CPNE4: variants seen among roughly 807,000 people sequenced by gnomAD.
The protein encoded by CPNE4 is copine-4.
In CPNE4, 25 loss-of-function variants were observed where a neutral mutation model predicts 67.9. The observed-to-expected ratio is 0.37, with a 90% confidence interval of 0.27 to 0.51. The LOEUF is 0.51. Ranked by LOEUF, CPNE4 falls within the 20% of genes least tolerant of loss-of-function variation. The probability of loss-of-function intolerance (pLI) is 0.93; values close to 1 mark genes in which losing one functional copy is unlikely to be tolerated. For synonymous variants in CPNE4, 242 were observed against 244.9 expected (o/e 0.99, Z 0.11); for missense variants, 464 against 690.8 (o/e 0.67, Z 3.68).
At chr3:131,883,991 G>C (rs1253872049) in intron 2 of CPNE4, among the ~76,000 whole-genome samples, 1 of 151,288 alleles carries the variant, frequency 6.6e-6, no homozygotes, top group Non-Finnish European at 1.5e-5. Flanking sequence ...GTTTTTCTTG[G>C]TCATAATTTT....
chr3:131,938,875 T>A (rs2071302783), intron 1 of CPNE4, among the ~76,000 whole-genome samples: 1 of 152,144 alleles, frequency 6.6e-6, no homozygotes, highest in African/African-American at 2.4e-5. Context: ...AAGTCAGGAA[T>A]AAGACATTGA....
intron 1 of CPNE4, among the ~76,000 whole-genome samples, chr3:131,988,413 A>T (rs1290681691): frequency 1.3e-5 from 2 of 152,124 alleles, no homozygotes; most frequent in Non-Finnish European, 2.9e-5. Context: ...TAAAAAGATC[A>T]CTCTAACTGC....
chr3:131,549,185 G>T lies in CPNE4; in HGVS notation c.1302+762C>A, dbSNP rs114392817. ...CTCCATCCATTCTAACATGAAGGAA[G>T]GCTGAGAACATGAAGACAGTGCAAG... On this transcript the variant is annotated intron_variant, in intron 14 of 15. Coordinates refer to ENST00000429747, the MANE Select transcript of CPNE4 (RefSeq NM_130808.3). 7.6e-3 allele frequency among the ~76,000 whole-genome samples: 1,150 copies of T among 152,216 alleles called. 19 individuals carry two copies. The highest frequency in any genetic ancestry group is 0.026 in the African/African-American group (1,094 of 41,554).
intron 1 of CPNE4, among the ~76,000 whole-genome samples, chr3:132,023,557 G>C (rs1047267608): frequency 1.2e-4 from 16 of 132,050 alleles, no homozygotes; most frequent in African/African-American, 4.0e-4. Context: ...GCGGGATCTC[G>C]GCTCACTGCA....
intron 2 of CPNE4, among the ~76,000 whole-genome samples, chr3:131,802,597 A>C (rs561600419): frequency 2.6e-5 from 4 of 152,302 alleles, no homozygotes; most frequent in Admixed American, 1.3e-4. Flanking sequence ...ACACTGTTTA[A>C]TGGAAAGACC....
intron 1 of CPNE4, among the ~76,000 whole-genome samples, chr3:131,914,599 A>G (rs73206064): frequency 6.6e-6 from 1 of 151,692 alleles, no homozygotes; most frequent in Non-Finnish European, 1.5e-5. Flanking sequence ...TGACTTCCCA[A>G]GAGGTTGGGA....
chr3:131,575,222 C>A lies in CPNE4; in HGVS notation c.868-92G>T, dbSNP rs570693498. 1.5e-5 allele frequency: 16 copies of A among 1,052,682 alleles called. No individual in the cohort carries two copies. The East Asian group carries it at 3.9e-4, about 26-fold the overall frequency. The allele number at this position is 1,052,682 out of a possible 1,614,324, so 65.2% of individuals were successfully genotyped here. A position where few individuals can be genotyped will look rare whatever the true frequency, so the allele number is the denominator to read the frequency against. On this transcript the variant is annotated intron_variant, in intron 9 of 15. Transcript: ENST00000429747. Reference sequence around the variant, plus strand: ...CTAAAGGTTGGTGACTGATAAGCTGCTAAACCAGAGGAAAGGGCAGACAGA... The same window carrying A: ...CTAAAGGTTGGTGACTGATAAGCTGATAAACCAGAGGAAAGGGCAGACAGA...
At chr3:131,603,037 A>T (rs935477910) in intron 7 of CPNE4, among the ~76,000 whole-genome samples, 11 of 151,830 alleles carry the variant, frequency 7.2e-5, no homozygotes, top group African/African-American at 2.7e-4. Context: ...CTCCTTTACA[A>T]TTTTTTTGGG....
intron 9 of CPNE4, among the ~76,000 whole-genome samples, chr3:131,576,452 C>A (rs1313161925): frequency 6.6e-6 from 1 of 152,056 alleles, no homozygotes; most frequent in Non-Finnish European, 1.5e-5. Flanking sequence ...AGAAAGATAA[C>A]CATTGAATCT....
rs149379996 is a variant in CPNE4 at position 131,834,674 on chromosome 3, A to G, written c.180+70590T>C. Among the ~76,000 whole-genome samples the G allele has an allele frequency of 4.0e-3, 604 of 152,316 alleles. 7 individuals carry two copies. Among genetic ancestry groups the G allele is most frequent in the African/African-American group, 0.014 (565 of 41,594 alleles). On this transcript the variant is annotated intron_variant, in intron 2 of 15. Coordinates refer to ENST00000429747, the MANE Select transcript of CPNE4 (RefSeq NM_130808.3). ...AAAGGTAAAACAAATACATAAAACT[A>G]AAGTCTTAACTGATTGCTTATCTGA...
At chr3:131,758,040 T>C (rs1412074810) in intron 2 of CPNE4, among the ~76,000 whole-genome samples, 1 of 152,194 alleles carries the variant, frequency 6.6e-6, no homozygotes, top group Non-Finnish European at 1.5e-5. Flanking sequence ...AGGGCCCTCA[T>C]GGAGAACCTC....
At chr3:131,565,384 C>A (rs754270415) in intron 10 of CPNE4, among the ~76,000 whole-genome samples, 8 of 151,936 alleles carry the variant, frequency 5.3e-5, no homozygotes, top group Non-Finnish European at 1.0e-4. Flanking sequence ...TCTTGGGAAT[C>A]ATAATGGGAA....
intron 2 of CPNE4, among the ~76,000 whole-genome samples, chr3:131,730,831 T>C (rs2082111469): frequency 6.6e-6 from 1 of 152,152 alleles, no homozygotes; most frequent in Non-Finnish European, 1.5e-5. Context: ...TCTGCTGACA[T>C]TCTGATGTCT....
intron 7 of CPNE4, among the ~76,000 whole-genome samples, chr3:131,619,909 G>A (rs1940369729): frequency 6.6e-6 from 1 of 152,218 alleles, no homozygotes; most frequent in African/African-American, 2.4e-5. Context: ...GATGGAAAGA[G>A]ATTAAGGAGG....
intron 10 of CPNE4, among the ~76,000 whole-genome samples, chr3:131,571,654 C>G (rs923933962): frequency 2.0e-5 from 3 of 151,970 alleles, no homozygotes; most frequent in Admixed American, 2.0e-4. Flanking sequence ...TTCTTTTTAC[C>G]TGGTACCAGG....
Position 131,699,935 on chromosome 3 carries a change from T to G in CPNE4, c.406A>C (p.Asn136His). ...KLSKSLLKHG[N>H]TAGKSSITVI... The stretch of plus-strand genomic sequence containing the variant: ...GTGATGGAAGATTTCCCTGCTGTGT[T>G]CCCATGCTTCAGCAAGGATTTGGAC... The change falls in exon 4 of 16, where the codon AAC becomes CAC. Residue 136 changes from asparagine (N) to histidine (H), a missense_variant. Physicochemically the swap from Asn to His is moderately conservative, Grantham distance 68. Coordinates refer to ENST00000429747, the MANE Select transcript of CPNE4 (RefSeq NM_130808.3). 1 of 1,613,008 alleles carries G rather than the reference T, an allele frequency of 6.2e-7. No homozygotes were observed. Among genetic ancestry groups the G allele is most frequent in the Non-Finnish European group, 8.5e-7 (1 of 1,179,370 alleles).
Position 131,561,320 on chromosome 3 carries a change from C to T in CPNE4, c.1061+2896G>A, listed in dbSNP as rs546855028. 3.3e-5 allele frequency among the ~76,000 whole-genome samples: 5 copies of T among 151,776 alleles called. No homozygotes were observed. In the South Asian group the frequency reaches 1.0e-3, roughly 32 times the overall value. On this transcript the variant is annotated intron_variant, in intron 11 of 15. Transcript: ENST00000429747. ...TACAGGAGCTGGAGAAGTGCTACAA[C>T]TTGAGCTTGTGTGGGCCTGTGTGTG...
chr3:131,656,705 T>G (rs1235437741), intron 7 of CPNE4, among the ~76,000 whole-genome samples: 1 of 152,204 alleles, frequency 6.6e-6, no homozygotes, highest in Non-Finnish European at 1.5e-5. Flanking sequence ...AGTAGAGGAC[T>G]CAAACTATAA....
At chr3:131,914,937 C>A (rs2089129968) in intron 1 of CPNE4, among the ~76,000 whole-genome samples, 1 of 152,168 alleles carries the variant, frequency 6.6e-6, no homozygotes. Flanking sequence ...GATTGCGCCA[C>A]TGCACTCCAG....
Sources: allele counts gnomAD v4.1 joint callset (sites outside exome capture counted in the v4.1 genomes callset), GRCh38; gene constraint gnomAD v4.1.1; transcripts MANE v1.5; gene names NCBI Gene and HGNC (gene_info 2026-07-23, HGNC 2026-07-21).